Variants in GOT1 observed in about 807,000 individuals in gnomAD.
GOT1 encodes the protein glutamic-oxaloacetic transaminase 1, also known as aspartate aminotransferase, cytoplasmic.
GOT1 carries 25 observed loss-of-function variants against 48.2 expected under a neutral mutation model. The ratio of observed to expected loss-of-function variants is 0.52; its 90% CI spans 0.38 to 0.72. The LOEUF (loss-of-function observed/expected upper bound fraction) is 0.72, where lower values mean the gene tolerates loss of function less well. GOT1 is among the 30% of genes least tolerant of loss of function. GOT1 has a pLI of 0.00. For synonymous variants in GOT1, 188 were observed against 193.8 expected (o/e 0.97, Z 0.25); for missense variants, 380 against 520.1 (o/e 0.73, Z 2.62).
chr10:99,422,751 C>A (rs73328382), intron 1 of GOT1, among the ~76,000 whole-genome samples: 11,797 of 152,232 alleles, frequency 0.077, 950 homozygotes, highest in East Asian at 0.23. Context: ...CAAAAGGTAG[C>A]ATACGGCATA....
In GOT1 at chr10:99,420,725, G is replaced by A. The variant is rs781455347; in HGVS notation, c.199C>T (p.Leu67=). 7 of 1,613,764 alleles carry A rather than the reference G, an allele frequency of 4.3e-6. No homozygotes were observed. The highest frequency in any genetic ancestry group is 5.9e-6 in the Non-Finnish European group (7 of 1,179,804). Residue 67 remains leucine, a synonymous_variant, in exon 2 of 9, where the codon CTA becomes TTA. Transcript: ENST00000370508. ...AGGATTGGCAGATACTCGTGATTTA[G>A]GCTATTGTCATTAGCAATCTTCTGC... ...VEQKIANDNS[L]NHEYLPILGL... is the part of the protein sequence containing the mutation.
intron 1 of GOT1, among the ~76,000 whole-genome samples, chr10:99,427,305 G>GT (rs1484247482): frequency 6.6e-6 from 1 of 152,110 alleles, no homozygotes; most frequent in African/African-American, 2.4e-5. Context: ...GTCTCACTCT[G>GT]TTGCCCAGGC....
intron 6 of GOT1, 38 bp from the exon 7 acceptor site, chr10:99,403,672 G>C: frequency 6.2e-7 from 1 of 1,613,944 alleles, no homozygotes; most frequent in Non-Finnish European, 8.5e-7. Flanking sequence ...GGCTGCTGAA[G>C]CAGGGAGTGA....
intron 1 of GOT1, among the ~76,000 whole-genome samples, chr10:99,428,707 C>T (rs761275710): frequency 6.6e-5 from 10 of 152,158 alleles, no homozygotes; most frequent in Non-Finnish European, 1.3e-4. Context: ...AATACTAGTT[C>T]TTTGTATACA....
At chr10:99,398,611 C>G (rs1242492966) in intron 8 of GOT1, among the ~76,000 whole-genome samples, 1 of 151,564 alleles carries the variant, frequency 6.6e-6, no homozygotes, top group Non-Finnish European at 1.5e-5. Context: ...GAGGAAGTTG[C>G]AGTGAGCCGA....
At chr10:99,399,173 A>G (rs2032638693) in intron 8 of GOT1, among the ~76,000 whole-genome samples, 1 of 152,210 alleles carries the variant, frequency 6.6e-6, no homozygotes, top group Non-Finnish European at 1.5e-5. Flanking sequence ...GGCTGCAGCT[A>G]GGCTTTCTCT....
At chr10:99,416,314 C>T (rs1469376643) in intron 2 of GOT1, among the ~76,000 whole-genome samples, 1 of 151,664 alleles carries the variant, frequency 6.6e-6, no homozygotes, top group Non-Finnish European at 1.5e-5. Flanking sequence ...AAATAGAGAG[C>T]CAAATCATGA....
intron 8 of GOT1, among the ~76,000 whole-genome samples, chr10:99,401,377 A>G (rs1438590440): frequency 1.3e-5 from 2 of 152,070 alleles, no homozygotes; most frequent in Admixed American, 6.6e-5. Flanking sequence ...GATTTTTCTG[A>G]GCCCACTTCA....
At chr10:99,430,182 G>A (rs1410631817) in intron 1 of GOT1, 2 of 861,376 alleles carry the variant, frequency 2.3e-6, no homozygotes, top group African/African-American at 1.7e-5. Context: ...AGGCAGAATG[G>A]GGAATCGGAA....
chr10:99,397,811 G>T lies in GOT1; in HGVS notation c.1103-125C>A, dbSNP rs1240141139. The T allele has an allele frequency of 3.4e-6, 3 of 882,706 alleles. No individual in the cohort carries two copies. The highest frequency in any genetic ancestry group is 5.2e-6 in the Non-Finnish European group (3 of 577,166). 54.7% of individuals were successfully genotyped at this position (882,706 alleles called of 1,614,324 possible). The stretch of plus-strand genomic sequence containing the variant: ...CTTAACAGAGAGAAGCAAAACAAAA[G>T]GCGCTATTTTGTCCAACTGACAAAC... On this transcript the variant is annotated intron_variant, in intron 8 of 8. Coordinates refer to ENST00000370508, the MANE Select transcript of GOT1 (RefSeq NM_002079.3). The surrounding 1 kb of genome is among the most constrained non-coding windows in gnomAD (Gnocchi z 5.4).
chr10:99,430,043 C>T (rs1176869211), intron 1 of GOT1, among the ~76,000 whole-genome samples: 2 of 152,194 alleles, frequency 1.3e-5, no homozygotes, highest in South Asian at 4.1e-4. Context: ...ACAGAGCTTT[C>T]TAGCGTTAAA....
chr10:99,424,934 T>C (rs1362884525), intron 1 of GOT1, among the ~76,000 whole-genome samples: 1 of 152,222 alleles, frequency 6.6e-6, no homozygotes, highest in East Asian at 1.9e-4. Context: ...AGAATTTTTA[T>C]TCCTATTTGT....
rs1333187856 is a variant in GOT1 at position 99,403,651 on chromosome 10, G to C, written c.794-17C>G. 1 of 1,614,034 alleles carries C rather than the reference G, an allele frequency of 6.2e-7. No homozygotes were observed. Among genetic ancestry groups the C allele is most frequent in the Non-Finnish European group, 8.5e-7 (1 of 1,179,900 alleles). ...CTCTCTCATCTAAAGAGAGGGACCA[G>C]AATCAGCTGTGGCTGCTGAAGCAGG... On this transcript the variant is annotated splice_polypyrimidine_tract_variant and intron_variant, in intron 6 of 8. Transcript: ENST00000370508.
At chr10:99,423,633 G>A (rs1167933504) in intron 1 of GOT1, among the ~76,000 whole-genome samples, 1 of 152,072 alleles carries the variant, frequency 6.6e-6, no homozygotes, top group Non-Finnish European at 1.5e-5. Context: ...TCCGGCTCTG[G>A]TGAATCTAAC....
intron 2 of GOT1, among the ~76,000 whole-genome samples, chr10:99,417,384 C>T (rs2032909726): frequency 6.6e-6 from 1 of 152,052 alleles, no homozygotes; most frequent in Admixed American, 6.6e-5. Context: ...AATGAGATAC[C>T]ATCTCACACC....
chr10:99,418,516 T>C (rs1437758187), intron 2 of GOT1, among the ~76,000 whole-genome samples: 12 of 148,446 alleles, frequency 8.1e-5, no homozygotes, highest in African/African-American at 2.7e-4. Context: ...TTTTCTTTTC[T>C]TTTGAGACAG....
chr10:99,411,029 C>T (rs1247631275), intron 2 of GOT1, among the ~76,000 whole-genome samples: 1 of 152,240 alleles, frequency 6.6e-6, no homozygotes, highest in African/African-American at 2.4e-5. Context: ...CCAGGAGCTG[C>T]CTGTGGCCAG....
intron 2 of GOT1, among the ~76,000 whole-genome samples, chr10:99,412,804 G>T (rs2032844379): frequency 6.6e-6 from 1 of 152,168 alleles, no homozygotes; most frequent in South Asian, 2.1e-4. Context: ...TCCCCGTTCT[G>T]CAGCCTCCGC....
chr10:99,408,907 C>T (rs141109949), intron 2 of GOT1, among the ~76,000 whole-genome samples: 1 of 151,912 alleles, frequency 6.6e-6, no homozygotes, highest in Non-Finnish European at 1.5e-5. Context: ...ATTTCAAACA[C>T]CTATTTAGAT....
Sources: gnomAD v4.1 joint callset for allele counts (sites outside exome capture counted in the v4.1 genomes callset) on GRCh38, gnomAD v4.1.1 for gene constraint, Gnocchi (gnomAD v3.1) non-coding constraint, MANE v1.5 for transcripts, NCBI Gene and HGNC (gene_info 2026-07-23, HGNC 2026-07-21) for gene names.